ZNF536: variants seen among roughly 807,000 people sequenced by gnomAD.
ZNF536 encodes the protein zinc finger protein 536.
In ZNF536, 13 loss-of-function variants were observed where a neutral mutation model predicts 84.5. That is an observed-to-expected ratio of 0.15 (90% CI 0.10 to 0.24). The LOEUF (loss-of-function observed/expected upper bound fraction) is 0.24. ZNF536 is among the 10% of genes least tolerant of loss of function. The pLI is 1.00. For missense variants in ZNF536, 1,536 were observed against 1,747.5 expected (o/e 0.88, Z 2.16); for synonymous variants, 811 against 742.5 (o/e 1.09, Z -1.50).
chr19:30,508,896 T>C (rs1215352518), intron 2 of ZNF536, among the ~76,000 whole-genome samples: 2 of 143,778 alleles, frequency 1.4e-5, no homozygotes, highest in East Asian at 4.3e-4. Context: ...GGCATGATCA[T>C]GGCTCACTGC....
At chr19:30,251,413 A>G (rs1289809345) in intron 1 of ZNF536, among the ~76,000 whole-genome samples, 1 of 152,150 alleles carries the variant, frequency 6.6e-6, no homozygotes, top group Non-Finnish European at 1.5e-5. Context: ...TGGTCAGAGC[A>G]CTGACTTTTT....
chr19:30,262,401 G>A (rs1483985927), intron 1 of ZNF536, among the ~76,000 whole-genome samples: 1 of 152,246 alleles, frequency 6.6e-6, no homozygotes, highest in East Asian at 1.9e-4. Context: ...ACGGGTCAAA[G>A]CATGGGGCTT....
At chr19:30,415,281 C>T (rs1220866220) in intron 1 of ZNF536, among the ~76,000 whole-genome samples, 1 of 93,268 alleles carries the variant, frequency 1.1e-5, no homozygotes. Flanking sequence ...TGCTCCTCCT[C>T]CTCCTTCTTC....
In ZNF536 at chr19:30,443,816, C is replaced by A; in HGVS notation, c.254C>A (p.Ala85Asp). Reference sequence around the variant, plus strand: ...ATGGGCAGTCAGATGGCGCTCCTGGCCAACCAGCTGGGCCGGGAGGTGGAC... The same window carrying A: ...ATGGGCAGTCAGATGGCGCTCCTGGACAACCAGCTGGGCCGGGAGGTGGAC... ...QPMGSQMALL[A>D]NQLGREVDTS... Residue 85 changes from alanine (A) to aspartate (D), a missense_variant, in exon 2 of 5, where the codon GCC becomes GAC. This residue lies in a region of ZNF536 where 161 missense variants were observed against 178.5 expected (regional missense o/e 0.90). Transcript: ENST00000355537. 1 of 1,613,168 alleles carries A rather than the reference C, an allele frequency of 6.2e-7. No homozygotes were observed. The highest frequency in any genetic ancestry group is 8.5e-7 in the Non-Finnish European group (1 of 1,179,826).
chr19:30,672,098 A>G (rs1284495074), intron 1 of ZNF536, among the ~76,000 whole-genome samples: 2 of 152,240 alleles, frequency 1.3e-5, no homozygotes, highest in African/African-American at 4.8e-5. Context: ...TTTCCTTGCT[A>G]TAATATTTTA....
chr19:30,273,102 A>G (rs564026875), intron 1 of ZNF536, among the ~76,000 whole-genome samples: 2 of 152,214 alleles, frequency 1.3e-5, no homozygotes, highest in Non-Finnish European at 2.9e-5. Context: ...GGGTCTCACT[A>G]TGCTGCTGAG....
At chr19:30,634,046 G>A (rs960357467) in intron 1 of ZNF536, among the ~76,000 whole-genome samples, 5 of 152,080 alleles carry the variant, frequency 3.3e-5, no homozygotes, top group South Asian at 2.1e-4. Context: ...CACCTCCGTC[G>A]TACCCCTTCC....
chr19:30,257,588 G>A (rs577106484), intron 1 of ZNF536, among the ~76,000 whole-genome samples: 1 of 152,346 alleles, frequency 6.6e-6, no homozygotes, highest in South Asian at 2.1e-4. Flanking sequence ...AGGATCCTGA[G>A]CTCATTACTA....
intron 1 of ZNF536, among the ~76,000 whole-genome samples, chr19:30,683,259 A>G (rs75215908): frequency 0.026 from 3,929 of 152,304 alleles, 75 homozygotes; most frequent in Non-Finnish European, 0.041. Flanking sequence ...CATTTGAACA[A>G]TAGTTTCTGC....
At chr19:30,690,934 C>T (rs986149951) in intron 1 of ZNF536, among the ~76,000 whole-genome samples, 6 of 152,076 alleles carry the variant, frequency 3.9e-5, no homozygotes, top group Admixed American at 3.3e-4. Flanking sequence ...TTCATTTTAG[C>T]AAATCATTGT....
intron 1 of ZNF536, among the ~76,000 whole-genome samples, chr19:30,589,801 C>T (rs566820375): frequency 5.9e-5 from 9 of 152,174 alleles, no homozygotes; most frequent in South Asian, 2.1e-4. Flanking sequence ...TGGAATTAAC[C>T]CTCTGGCACT....
intron 1 of ZNF536, among the ~76,000 whole-genome samples, chr19:30,588,378 C>A (rs561877408): frequency 8.5e-5 from 13 of 152,220 alleles, no homozygotes; most frequent in African/African-American, 2.9e-4. Context: ...GTGAGGGGGA[C>A]AAGGTCCTAC....
chr19:30,409,772 C>A (rs981404469), intron 1 of ZNF536, among the ~76,000 whole-genome samples: 1 of 152,176 alleles, frequency 6.6e-6, no homozygotes, highest in African/African-American at 2.4e-5. Context: ...AAGTGGTACA[C>A]CGTACTAATT....
intron 1 of ZNF536, among the ~76,000 whole-genome samples, chr19:30,578,581 G>A (rs906941361): frequency 3.3e-5 from 5 of 152,224 alleles, no homozygotes; most frequent in African/African-American, 1.2e-4. Context: ...TGAGGAATGA[G>A]CTCTTCCCAT....
intron 1 of ZNF536, among the ~76,000 whole-genome samples, chr19:30,595,682 G>GA (rs2146854729): frequency 6.6e-6 from 1 of 152,320 alleles, no homozygotes; most frequent in East Asian, 1.9e-4. Flanking sequence ...TTTGTGGATA[G>GA]AATCTTCTCT....
intron 2 of ZNF536, among the ~76,000 whole-genome samples, chr19:30,532,699 G>A (rs2044890247): frequency 6.6e-6 from 1 of 151,874 alleles, no homozygotes; most frequent in Non-Finnish European, 1.5e-5. Flanking sequence ...GTGGGTGGGA[G>A]TGGGAGAAGG....
At chr19:30,628,780 C>T (rs563048075) in intron 1 of ZNF536, among the ~76,000 whole-genome samples, 2 of 151,590 alleles carry the variant, frequency 1.3e-5, no homozygotes, top group African/African-American at 4.8e-5. Context: ...CTCACTGCAA[C>T]CTCCACCTCC....
intron 1 of ZNF536, among the ~76,000 whole-genome samples, chr19:30,269,138 A>G (rs1194074718): frequency 2.0e-5 from 3 of 152,234 alleles, no homozygotes. Context: ...TAAGGCAAGC[A>G]TGGCTTTTTG....
intron 1 of ZNF536, among the ~76,000 whole-genome samples, chr19:30,614,809 G>T (rs1446826092): frequency 6.7e-6 from 1 of 149,408 alleles, no homozygotes. Context: ...TTTTGATTTT[G>T]TTTATTTTTT....
Sources: allele counts gnomAD v4.1 joint callset (sites outside exome capture counted in the v4.1 genomes callset), GRCh38; gene constraint gnomAD v4.1.1; regional missense constraint gnomAD v4.1.1; transcripts MANE v1.5; gene names NCBI Gene and HGNC (gene_info 2026-07-23, HGNC 2026-07-21).